ZNF565: variants seen among roughly 807,000 people sequenced by gnomAD.
The protein encoded by ZNF565 is zinc finger protein 565.
In ZNF565, 27 loss-of-function variants were observed where a neutral mutation model predicts 39.4. The ratio of observed to expected loss-of-function variants is 0.69; its 90% CI spans 0.51 to 0.95. The LOEUF (loss-of-function observed/expected upper bound fraction) is 0.95. ZNF565 is among the 40% of genes least tolerant of loss of function. ZNF565 has a pLI of 0.00. For missense variants in ZNF565, 524 were observed against 621.1 expected, an observed-to-expected ratio of 0.84 and a Z score of 1.66; for synonymous variants, 185 against 216.6, an observed-to-expected ratio of 0.85 and a Z score of 1.28.
rs532259804 is a variant in ZNF565 at position 36,245,252 on chromosome 19, C to T, written c.55+224G>A. 1.3e-5 allele frequency among the ~76,000 whole-genome samples: 2 copies of T among 152,248 alleles called. No homozygotes were observed. The highest frequency in any genetic ancestry group is 4.1e-4 in the South Asian group (2 of 4,826). ...TCGGTTTAGAGCTACAGGGTTTTCTCCCTCCCCTGAGACTCTAACGCGTGC... is the reference window on the plus strand; with the variant it reads ...TCGGTTTAGAGCTACAGGGTTTTCTTCCTCCCCTGAGACTCTAACGCGTGC... On this transcript the variant is annotated intron_variant, in intron 1 of 4. Transcript: ENST00000355114. This position sits in a 1 kb window ranked among gnomAD's most constrained non-coding sequence, Gnocchi z 4.4.
At position 36,182,694 on chromosome 19, in the gene ZNF565, A is replaced by G; in HGVS notation, c.1272T>C (p.Cys424=). The G allele has an allele frequency of 6.2e-7, 1 of 1,614,156 alleles. No individual in the cohort carries two copies. The highest frequency in any genetic ancestry group is 8.5e-7 in the Non-Finnish European group (1 of 1,180,020). Residue 424 remains cysteine, a synonymous_variant, in exon 5 of 5, where the codon TGT becomes TGC. Transcript: ENST00000304116. The part of the protein sequence containing the change: ...TGDKPYECKE[C]GKAFIRVSQL... Reference sequence around the variant, plus strand: ...GTGAAACACGAATAAAGGCCTTCCCACATTCCTTACATTCGTAGGGTTTGT... The same window carrying G: ...GTGAAACACGAATAAAGGCCTTCCCGCATTCCTTACATTCGTAGGGTTTGT...
At position 36,182,611 on chromosome 19, in the gene ZNF565, C is replaced by T; in HGVS notation, c.1355G>A (p.Cys452Tyr). The change falls in exon 5 of 5, where the codon TGT (cysteine) becomes TAT (tyrosine). Residue 452 changes from cysteine (C) to tyrosine (Y), a missense_variant. Cys to Tyr is a radical substitution (Grantham distance 194, BLOSUM62 -2). Coordinates refer to ENST00000304116, the MANE Select transcript of ZNF565 (RefSeq NM_152477.5). ...TGAACTACGAATAAAGGCCATTCCA[C>T]ACTCCCTGCATTCATAGGGTTTCTC... ...TCEKPYECRE[C>Y]GMAFIRSSQL... The T allele has an allele frequency of 1.2e-6, 2 of 1,614,142 alleles. No individual in the cohort carries two copies. Among genetic ancestry groups the T allele is most frequent in the East Asian group, 2.2e-5 (1 of 44,892 alleles).
rs138714843 is a variant in ZNF565, at chr19:36,240,719, A to G, written c.55+4757T>C. ...CCCCGTCTCTACTAAAATTACAAAAATTAGCCGGGTGTAGTGGCACACACC... is the reference window on the plus strand; with the variant it reads ...CCCCGTCTCTACTAAAATTACAAAAGTTAGCCGGGTGTAGTGGCACACACC... On this transcript the variant is annotated intron_variant, in intron 1 of 4. Transcript: ENST00000355114. Among the ~76,000 whole-genome samples, 228 of 152,178 alleles carry G rather than the reference A, an allele frequency of 1.5e-3. 2 individuals carry two copies. Among genetic ancestry groups the G allele is most frequent in the African/African-American group, 5.3e-3 (219 of 41,532 alleles).
At position 36,220,403 on chromosome 19, in the gene ZNF565, C is replaced by T. The variant is rs970346665; in HGVS notation, c.56-18353G>A. On this transcript the variant is annotated intron_variant, in intron 1 of 4. Transcript: ENST00000355114. ...TTTTTGAGACGGAGTCTTGCTCTGT[C>T]GCCCAGGCTGGAGTGCAGTGGCACG... Among the ~76,000 whole-genome samples the T allele has an allele frequency of 4.6e-5, 7 of 151,136 alleles. 1 individual carries two copies. The highest frequency in any genetic ancestry group is 7.3e-5 in the African/African-American group (3 of 41,304).
At chr19:36,203,463 G>A (rs921513879) in intron 1 of ZNF565, 3 of 152,084 alleles carry the variant, frequency 2.0e-5, no homozygotes, top group Non-Finnish European at 4.4e-5. Flanking sequence ...ACCATCTACT[G>A]CTTTTCTGCA....
intron 2 of ZNF565, 144 bp downstream of exon 2, chr19:36,201,833 G>A (rs1000980097): frequency 8.9e-6 from 8 of 894,776 alleles, no homozygotes; most frequent in Middle Eastern, 2.5e-4. Context: ...GAGGGCCACC[G>A]AGGGACTTGG....
At chr19:36,236,982 A>G in intron 1 of ZNF565, 2 of 1,614,220 alleles carry the variant, frequency 1.2e-6, no homozygotes, top group Non-Finnish European at 1.7e-6. Context: ...CACACTGGAG[A>G]GAAACCCTAT....
intron 1 of ZNF565, among the ~76,000 whole-genome samples, chr19:36,220,388 G>A (rs546583202): frequency 2.8e-5 from 4 of 144,530 alleles, no homozygotes; most frequent in South Asian, 2.2e-4. Flanking sequence ...TTTTTGAGAC[G>A]GAGTCTTGCT....
intron 1 of ZNF565, among the ~76,000 whole-genome samples, chr19:36,242,483 CTT>C (rs1977817632): frequency 6.6e-6 from 1 of 151,998 alleles, no homozygotes; most frequent in Non-Finnish European, 1.5e-5. Flanking sequence ...AATCCCATCA[CTT>C]TAGAGGGCTG....
upstream of ZNF565, chr19:36,214,970 C>T (rs1234273567): frequency 6.6e-6 from 1 of 152,440 alleles, no homozygotes; most frequent in East Asian, 1.9e-4. Flanking sequence ...AGTAAAGCCT[C>T]AAGGGAAATG....
chr19:36,239,017 GT>G (rs1401076612), intron 1 of ZNF565, among the ~76,000 whole-genome samples: 2 of 152,182 alleles, frequency 1.3e-5, no homozygotes, highest in Non-Finnish European at 2.9e-5. Context: ...AGGTGGAACA[GT>G]TTCATCCTGA....
At chr19:36,220,242 A>G (rs986198173) in intron 1 of ZNF565, among the ~76,000 whole-genome samples, 7 of 152,324 alleles carry the variant, frequency 4.6e-5, no homozygotes, top group South Asian at 4.1e-4. Flanking sequence ...ATTGCAGAGC[A>G]TTTAAAAAAT....
chr19:36,231,370 CG>C (rs1475381891), intron 1 of ZNF565, among the ~76,000 whole-genome samples: 3 of 151,996 alleles, frequency 2.0e-5, no homozygotes, highest in Non-Finnish European at 4.4e-5. Flanking sequence ...CCACCACACC[CG>C]GCTAATTTTT....
At chr19:36,194,538 T>A in intron 3 of ZNF565, 1 of 509,584 alleles carries the variant, frequency 2.0e-6, no homozygotes, top group Non-Finnish European at 3.5e-6. Flanking sequence ...CAGAAACTTG[T>A]AAGTTGCCCT....
At chr19:36,211,936 AG>A (rs1976375428) in intron 1 of ZNF565, among the ~76,000 whole-genome samples, 1 of 152,226 alleles carries the variant, frequency 6.6e-6, no homozygotes, top group Non-Finnish European at 1.5e-5. Flanking sequence ...AGATGAAAGG[AG>A]GATAAGAAAC....
At chr19:36,223,244 C>T (rs1410291186) in intron 1 of ZNF565, among the ~76,000 whole-genome samples, 2 of 151,858 alleles carry the variant, frequency 1.3e-5, no homozygotes, top group Non-Finnish European at 2.9e-5. Context: ...TGGTGAAACC[C>T]CGTCTCTACT....
At chr19:36,194,207 C>G (rs1172128203) in intron 4 of ZNF565, 26 bp downstream of exon 4, 81 of 1,587,652 alleles carry the variant, frequency 5.1e-5, no homozygotes, top group Non-Finnish European at 6.7e-5. Context: ...AGGGACCTTC[C>G]CCTGTCGAAA....
chr19:36,204,832 A>G (rs1293018846), intron 1 of ZNF565, among the ~76,000 whole-genome samples: 2 of 151,890 alleles, frequency 1.3e-5, no homozygotes, highest in Non-Finnish European at 2.9e-5. Flanking sequence ...TCTACTAAAA[A>G]TACAAAAATT....
intron 1 of ZNF565, among the ~76,000 whole-genome samples, chr19:36,234,446 C>T (rs1416618439): frequency 6.6e-6 from 1 of 152,180 alleles, no homozygotes; most frequent in Non-Finnish European, 1.5e-5. Context: ...TTAGACTACC[C>T]AGTCTATGTT....
Sources: gnomAD v4.1 joint callset for allele counts (sites outside exome capture counted in the v4.1 genomes callset) on GRCh38, gnomAD v4.1.1 for gene constraint, Gnocchi (gnomAD v3.1) non-coding constraint, MANE v1.5 for transcripts, NCBI Gene and HGNC (gene_info 2026-07-23, HGNC 2026-07-21) for gene names.